The following ZDHHC13 variants were observed in gnomAD, a reference collection of about 807,000 sequenced individuals.
The protein encoded by ZDHHC13 is zDHHC palmitoyltransferase 13, also known as palmitoyltransferase ZDHHC13.
Under a neutral mutation model 86.0 loss-of-function variants are expected in ZDHHC13, and 85 were observed. The observed-to-expected ratio is 0.99, with a 90% CI of 0.83 to 1.18. The LOEUF is 1.18. Among genes scored for constraint, ZDHHC13 ranks in the 50% most tolerant of loss-of-function variants. The pLI is 0.00. For synonymous variants in ZDHHC13, 263 were observed against 246.4 expected (o/e 1.07, Z -0.63); for missense variants, 711 against 730.2 (o/e 0.97, Z 0.30).
chr11:19,140,287 T>C (rs1350490126), intron 1 of ZDHHC13, among the ~76,000 whole-genome samples: 1 of 152,132 alleles, frequency 6.6e-6, no homozygotes, highest in Non-Finnish European at 1.5e-5. Context: ...AAAGAAGACA[T>C]TTATGCAGTC....
At position 19,139,292 on chromosome 11, in the gene ZDHHC13, T is replaced by C. The variant is rs372737231; in HGVS notation, c.28-3686T>C. Among the ~76,000 whole-genome samples the C allele has an allele frequency of 4.1e-3, 623 of 151,446 alleles. 5 individuals are homozygous for C. Among genetic ancestry groups the C allele is most frequent in the African/African-American group, 0.014 (583 of 40,818 alleles). On this transcript the variant is annotated intron_variant, in intron 1 of 16. Coordinates refer to ENST00000446113, the MANE Select transcript of ZDHHC13 (RefSeq NM_019028.3). ...ACAACAGACAAACAGAGAGCCAAAT[T>C]ATGAGTGAACTCCCATTCACAATTG... is the stretch of plus-strand genomic sequence containing the variant.
intron 2 of ZDHHC13, among the ~76,000 whole-genome samples, chr11:19,144,097 G>C (rs747845779): frequency 2.0e-5 from 3 of 152,104 alleles, no homozygotes; most frequent in African/African-American, 7.2e-5. Context: ...AATTATTTGA[G>C]TATTCTAATT....
rs142248923 is a variant in ZDHHC13, at chr11:19,144,432, A to AGTGTGT, written c.173+1338_173+1343dup. On this transcript the variant is annotated intron_variant, in intron 2 of 16. Transcript: ENST00000446113. ...CTGGGAAGGGCATAGAGAGCTATGG[A>AGTGTGT]GTGTGTGTGTGTGTGTGTGTGTGTG... Among the ~76,000 whole-genome samples, 530 of 143,162 alleles carry AGTGTGT rather than the reference A, an allele frequency of 3.7e-3. 6 individuals are homozygous for AGTGTGT. The highest frequency in any genetic ancestry group is 0.012 in the African/African-American group (455 of 38,984). The allele number at this position is 143,162 out of a possible 152,430, so 93.9% of individuals were successfully genotyped here.
chr11:19,149,384 G>T (rs1378451915), intron 5 of ZDHHC13, 53 bp downstream of exon 5: 8 of 1,414,974 alleles, frequency 5.7e-6, no homozygotes, highest in Non-Finnish European at 6.6e-6. Flanking sequence ...GAAGAGGTTG[G>T]GGAAATTATT....
chr11:19,156,885 G>A (rs1849771099), intron 9 of ZDHHC13, among the ~76,000 whole-genome samples: 1 of 152,184 alleles, frequency 6.6e-6, no homozygotes, highest in South Asian at 2.1e-4. Context: ...CCTGCTTAAA[G>A]TGCTTTAGTA....
At chr11:19,123,972 GTATT>G (rs1023562432) in intron 1 of ZDHHC13, among the ~76,000 whole-genome samples, 1 of 152,098 alleles carries the variant, frequency 6.6e-6, no homozygotes, top group African/African-American at 2.4e-5. Context: ...ATTGGGGAGA[GTATT>G]TGGTCAGAAT....
In ZDHHC13 at chr11:19,149,328, A is replaced by C. The variant is rs763081225; in HGVS notation, c.516A>C (p.Gly172=). ...TTATAGCATATCTCATCTCAAAGGGACAGGTATGTTCTGAAATGTGTCTTA... is the reference window on the plus strand; with the variant it reads ...TTATAGCATATCTCATCTCAAAGGGCCAGGTATGTTCTGAAATGTGTCTTA... ...MPIIAYLISK[G]QSVNMTDVNG... The change falls in exon 5 of 17, where the codon GGA becomes GGC. Residue 172 remains glycine, a synonymous_variant. Transcript: ENST00000446113. 1 of 1,591,102 alleles carries C rather than the reference A, an allele frequency of 6.3e-7. No individual in the cohort carries two copies. Among genetic ancestry groups the C allele is most frequent in the Non-Finnish European group, 8.6e-7 (1 of 1,166,212 alleles).
At chr11:19,127,850 T>C (rs1848910982) in intron 1 of ZDHHC13, among the ~76,000 whole-genome samples, 1 of 152,232 alleles carries the variant, frequency 6.6e-6, no homozygotes, top group African/African-American at 2.4e-5. Context: ...TTGGTTATTG[T>C]AGTGCTATAG....
Position 19,152,699 on chromosome 11 carries a change from G to A in ZDHHC13, c.873+15G>A, listed in dbSNP as rs1404826901. 1.9e-6 allele frequency: 3 copies of A among 1,612,188 alleles called. No homozygotes were observed. Among genetic ancestry groups the A allele is most frequent in the Non-Finnish European group, 2.5e-6 (3 of 1,178,782 alleles). On this transcript the variant is annotated intron_variant, in intron 8 of 16. Coordinates refer to ENST00000446113, the MANE Select transcript of ZDHHC13 (RefSeq NM_019028.3). ...AGAAATGCGAGGTATTTTCATATGG[G>A]GTCTTTTCTATGGGATAGATGACTT...
At position 19,149,325 on chromosome 11, in the gene ZDHHC13, G is replaced by C; in HGVS notation, c.513G>C (p.Lys171Asn). The C allele has an allele frequency of 6.3e-7, 1 of 1,592,496 alleles. No homozygotes were observed. The change falls in exon 5 of 17, where the codon AAG (lysine) becomes AAC (asparagine). Residue 171 changes from lysine (K) to asparagine (N), a missense_variant. Transcript: ENST00000446113. ...CTATTATAGCATATCTCATCTCAAA[G>C]GGACAGGTATGTTCTGAAATGTGTC... Reference protein sequence around the residue: ...HMPIIAYLISKGQSVNMTDVN... With the variant: ...HMPIIAYLISNGQSVNMTDVN...
chr11:19,163,553 AATTAG>A, intron 11 of ZDHHC13, 126 bp downstream of exon 11: 1 of 1,003,518 alleles, frequency 1.0e-6, no homozygotes, highest in Non-Finnish European at 1.3e-6. Context: ...ATATAGCAAA[AATTAG>A]ATTTCCACTC....
intron 14 of ZDHHC13, 179 bp from the exon 15 acceptor site, chr11:19,170,232 C>T: frequency 7.1e-7 from 1 of 1,401,292 alleles, no homozygotes; most frequent in African/African-American, 1.5e-5. Context: ...ATTGAGCCAC[C>T]ATTTTGTCAT....
chr11:19,150,881 G>A (rs1849590578), intron 6 of ZDHHC13, 90 bp downstream of exon 6: 3 of 1,161,336 alleles, frequency 2.6e-6, no homozygotes, highest in Non-Finnish European at 3.8e-6. Flanking sequence ...GTCTATGTGA[G>A]ATGATAGTAC....
intron 3 of ZDHHC13, among the ~76,000 whole-genome samples, chr11:19,147,370 A>G (rs1421086021): frequency 6.6e-6 from 1 of 152,160 alleles, no homozygotes; most frequent in African/African-American, 2.4e-5. Flanking sequence ...TGGAATGCTA[A>G]TTACAGCAGG....
Position 19,117,387 on chromosome 11 carries a change from C to A in ZDHHC13, c.27+111C>A. The A allele has an allele frequency of 2.6e-6, 3 of 1,160,354 alleles. No homozygotes were observed. Among genetic ancestry groups the A allele is most frequent in the Non-Finnish European group, 3.4e-6 (3 of 871,228 alleles). The allele number at this position is 1,160,354 out of a possible 1,614,324, so 71.9% of individuals were successfully genotyped here. On this transcript the variant is annotated intron_variant, in intron 1 of 16. Transcript: ENST00000446113. The surrounding 1 kb of genome is among the most constrained non-coding windows in gnomAD (Gnocchi z 4.2). The stretch of plus-strand genomic sequence containing the variant: ...CTCGATGAGGGGGTTTCGGGAGCGG[C>A]GGGGCCTAGGTCTGGGAAGCGGGAG...
In ZDHHC13 at chr11:19,155,850, T is replaced by C. The variant is rs763504617; in HGVS notation, c.928T>C (p.Leu310=). The change falls in exon 9 of 17, where the codon TTG becomes CTG. Residue 310 remains leucine (L), a synonymous_variant. Coordinates refer to ENST00000446113, the MANE Select transcript of ZDHHC13 (RefSeq NM_019028.3). ...VITMWAIGYI[L]DFNSDSWLLK... Reference sequence around the variant, plus strand: ...TACCATGTGGGCTATTGGATACATATTGGACTTCAATTCAGATTCTTGGCT... The same window carrying C: ...TACCATGTGGGCTATTGGATACATACTGGACTTCAATTCAGATTCTTGGCT... 3.7e-6 allele frequency: 6 copies of C among 1,613,070 alleles called. No homozygotes were observed. In the African/African-American group the frequency reaches 4.0e-5, roughly 11 times the overall value.
At chr11:19,168,947 A>C (rs1850145063) in intron 14 of ZDHHC13, 15 of 985,158 alleles carry the variant, frequency 1.5e-5, no homozygotes, top group Non-Finnish European at 1.7e-5. Flanking sequence ...TCTAAAGATG[A>C]AAACGTTTGA....
chr11:19,130,195 G>A (rs1848965063), intron 1 of ZDHHC13, among the ~76,000 whole-genome samples: 1 of 152,104 alleles, frequency 6.6e-6, no homozygotes, highest in Non-Finnish European at 1.5e-5. Flanking sequence ...ATAGGGGTCT[G>A]AAATTTTTTA....
chr11:19,118,310 C>G (rs1848690911), intron 1 of ZDHHC13, among the ~76,000 whole-genome samples: 1 of 152,162 alleles, frequency 6.6e-6, no homozygotes, highest in African/African-American at 2.4e-5. Context: ...TTCCCTTTCC[C>G]TTCTTTCAGC....
Sources: allele counts gnomAD v4.1 joint callset (sites outside exome capture counted in the v4.1 genomes callset), GRCh38; gene constraint gnomAD v4.1.1; non-coding constraint Gnocchi (gnomAD v3.1); transcripts MANE v1.5; gene names NCBI Gene and HGNC (gene_info 2026-07-23, HGNC 2026-07-21).